Variants in LGI3 observed in about 807,000 individuals in gnomAD.
LGI3 encodes the protein leucine-rich repeat LGI family member 3.
A neutral mutation model predicts 55.4 loss-of-function variants in LGI3; 47 were observed. That is an observed-to-expected ratio of 0.85 (90% CI 0.67 to 1.08). The LOEUF (loss-of-function observed/expected upper bound fraction) is 1.08. LGI3 is among the 50% of genes least tolerant of loss of function. The probability of loss-of-function intolerance (pLI) is 0.00; values close to 1 mark genes in which losing one functional copy is unlikely to be tolerated. For missense variants in LGI3, 664 were observed against 726.3 expected (o/e 0.91, Z 0.99); for synonymous variants, 326 against 315.0 (o/e 1.04, Z -0.37).
intron 7 of LGI3, among the ~76,000 whole-genome samples, chr8:22,150,082 G>A (rs1235515286): frequency 1.3e-5 from 2 of 152,104 alleles, no homozygotes; most frequent in South Asian, 4.1e-4. Flanking sequence ...TAACACCTTT[G>A]TCTCCTCCAC....
At chr8:22,153,719 A>C (rs1028625356) in intron 5 of LGI3, among the ~76,000 whole-genome samples, 8 of 140,434 alleles carry the variant, frequency 5.7e-5, no homozygotes, top group Non-Finnish European at 1.1e-4. Context: ...ATTAAAAAAA[A>C]AAAAAAACAC....
chr8:22,155,516 C>A (rs753460412), intron 1 of LGI3, 53 bp from the exon 2 acceptor site: 1 of 1,486,828 alleles, frequency 6.7e-7, no homozygotes, highest in East Asian at 2.3e-5. Flanking sequence ...TGTGCTGAGG[C>A]AGGGAGAGGT....
Position 22,148,861 on chromosome 8 carries a change from T to A in LGI3, c.946A>T (p.Thr316Ser). The part of the protein sequence containing the change: ...YHWDPNTTRF[T>S]RLQDIDPQRV... Reference sequence around the variant, plus strand: ...TGCGGGTCAATGTCTTGCAGCCTGGTGAAGCGCGTGGTGTTGGGATCCCAG... The same window carrying A: ...TGCGGGTCAATGTCTTGCAGCCTGGAGAAGCGCGTGGTGTTGGGATCCCAG... The change falls in exon 8 of 8, where the codon ACC becomes TCC. Residue 316 changes from threonine (T) to serine (S), a missense_variant. By Grantham distance (58) the Thr-to-Ser change is moderately conservative. Transcript: ENST00000306317. The surrounding 1 kb of genome is among the most constrained non-coding windows in gnomAD (Gnocchi z 7.0). The A allele has an allele frequency of 6.2e-7, 1 of 1,614,164 alleles. No individual in the cohort carries two copies. Among genetic ancestry groups the A allele is most frequent in the Non-Finnish European group, 8.5e-7 (1 of 1,180,024 alleles).
chr8:22,149,604 T>G (rs1426776947), intron 7 of LGI3, among the ~76,000 whole-genome samples: 1 of 152,200 alleles, frequency 6.6e-6, no homozygotes. Context: ...CAAGAATGCA[T>G]GCCCATGTGC....
intron 2 of LGI3, 176 bp downstream of exon 2, chr8:22,155,216 C>A (rs1396417898): frequency 3.1e-6 from 2 of 655,184 alleles, no homozygotes; most frequent in Non-Finnish European, 5.4e-6. Context: ...CCCCGACTCC[C>A]CTGACTCAAG....
chr8:22,150,432 C>T (rs770969010), intron 7 of LGI3, among the ~76,000 whole-genome samples: 10 of 142,256 alleles, frequency 7.0e-5, no homozygotes, highest in Non-Finnish European at 1.5e-4. Flanking sequence ...GATCTTGGCT[C>T]GCTGCAAGCT....
rs777640718 is a variant in LGI3 at position 22,148,559 on chromosome 8, C to T, written c.1248G>A (p.Glu416=). ...CTTGGGCATCAGGCACCTGGGTCACCTCACCCTGGGCCACAAACTGCTTCT... is the reference window on the plus strand; with the variant it reads ...CTTGGGCATCAGGCACCTGGGTCACTTCACCCTGGGCCACAAACTGCTTCT... ...RTQKQFVAQG[E]VTQVPDAQAV... is the part of the protein sequence containing the mutation. The change falls in exon 8 of 8, where the codon GAG becomes GAA. Residue 416 remains glutamate (E), a synonymous_variant. Coordinates refer to ENST00000306317, the MANE Select transcript of LGI3 (RefSeq NM_139278.4). This position sits in a 1 kb window ranked among gnomAD's most constrained non-coding sequence, Gnocchi z 7.0. The T allele has an allele frequency of 5.6e-6, 9 of 1,613,950 alleles. No individual in the cohort carries two copies. Among genetic ancestry groups the T allele is most frequent in the Admixed American group, 5.0e-5 (3 of 60,030 alleles).
intron 3 of LGI3, 98 bp from the exon 4 acceptor site, chr8:22,154,311 C>T (rs1279663574): frequency 1.0e-5 from 11 of 1,050,036 alleles, no homozygotes; most frequent in African/African-American, 3.1e-5. Context: ...CCCGTGTCCC[C>T]GAGACAGGTT....
At chr8:22,151,451 C>T in intron 7 of LGI3, 38 bp downstream of exon 7, 1 of 1,606,416 alleles carries the variant, frequency 6.2e-7, no homozygotes, top group Non-Finnish European at 8.5e-7. Context: ...CCCCCTCCCC[C>T]TAGCAAGGGC....
Position 22,156,526 on chromosome 8 carries a change from G to A in LGI3, c.17C>T (p.Ala6Val). ...CAGCCCCGGCCCCGGGCCCCCCCTG[G>A]CCCGCAGCCCCGCCATGCTGCCCGC... MAGLR[A>V]RGGPGPGLLA... Residue 6 changes from alanine to valine, a missense_variant, in exon 1 of 8, where the codon GCC (alanine) becomes GTC (valine). Coordinates refer to ENST00000306317, the MANE Select transcript of LGI3 (RefSeq NM_139278.4). The A allele has an allele frequency of 7.5e-7, 1 of 1,339,892 alleles. No homozygotes were observed. The highest frequency in any genetic ancestry group is 9.6e-7 in the Non-Finnish European group (1 of 1,039,922). The allele number at this position is 1,339,892 out of a possible 1,614,324, so 83.0% of individuals were successfully genotyped here. A position where few individuals can be genotyped will look rare whatever the true frequency, so the allele number is the denominator to read the frequency against.
chr8:22,154,973 G>C (rs1381693378), intron 2 of LGI3: 1 of 414,684 alleles, frequency 2.4e-6, no homozygotes, highest in African/African-American at 2.0e-5. Context: ...CCTCATGGAC[G>C]GCATCTTGTA....
At chr8:22,151,445 C>G (rs775618894) in intron 7 of LGI3, 44 bp downstream of exon 7, 7 of 1,597,392 alleles carry the variant, frequency 4.4e-6, no homozygotes, top group Non-Finnish European at 6.0e-6. Context: ...CCACTCCCCC[C>G]TCCCCCTAGC....
At chr8:22,153,844 C>T (rs1827448541) in intron 5 of LGI3, 124 bp downstream of exon 5, 7 of 959,490 alleles carry the variant, frequency 7.3e-6, no homozygotes, top group Non-Finnish European at 1.2e-5. Context: ...CCTCAGGGTC[C>T]CCCCACCCAA....
At chr8:22,152,753 A>AT (rs1434055997) in intron 5 of LGI3, among the ~76,000 whole-genome samples, 2 of 151,608 alleles carry the variant, frequency 1.3e-5, no homozygotes, top group Non-Finnish European at 2.9e-5. Flanking sequence ...AAAAAAAAAA[A>AT]AAAAAAGCAC....
Position 22,148,651 on chromosome 8 carries a change from C to A in LGI3, c.1156G>T (p.Gly386Cys). Reference sequence around the variant, plus strand: ...CTGGACACAATCAGCCGTGGCTTGCCCTCGCCGTCCACAAACTCCAGGTCG... The same window carrying A: ...CTGGACACAATCAGCCGTGGCTTGCACTCGCCGTCCACAAACTCCAGGTCG... ...DTDLEFVDGEGKPRLIVSSSS... is the reference protein window; with the variant it reads ...DTDLEFVDGECKPRLIVSSSS... The change falls in exon 8 of 8, where the codon GGC becomes TGC. Residue 386 changes from glycine (G) to cysteine (C), a missense_variant. By Grantham distance (159) the Gly-to-Cys change is radical (BLOSUM62 -3). Transcript: ENST00000306317. This position sits in a 1 kb window ranked among gnomAD's most constrained non-coding sequence, Gnocchi z 7.0. 6.2e-7 allele frequency: 1 copy of A among 1,614,008 alleles called. No individual in the cohort carries two copies. Among genetic ancestry groups the A allele is most frequent in the Non-Finnish European group, 8.5e-7 (1 of 1,180,018 alleles).
rs915608752 is a variant in LGI3, at chr8:22,156,722, C to T, written c.-180G>A. 2 of 218,950 alleles carry T rather than the reference C, an allele frequency of 9.1e-6. No individual in the cohort carries two copies. The highest frequency in any genetic ancestry group is 4.6e-5 in the African/African-American group (2 of 43,028). The allele number at this position is 218,950 out of a possible 1,614,324, so 13.6% of individuals were successfully genotyped here. On this transcript the variant is annotated 5_prime_UTR_variant, in exon 1 of 8. Transcript: ENST00000306317. Reference sequence around the variant, plus strand: ...CGGCTGCGGTCCCCTCCCCTGCTCGCTCCCGCGATCCGGCTCGGGAGAGAA... The same window carrying T: ...CGGCTGCGGTCCCCTCCCCTGCTCGTTCCCGCGATCCGGCTCGGGAGAGAA...
intron 2 of LGI3, chr8:22,154,994 C>T (rs1827468607): frequency 2.5e-6 from 1 of 403,646 alleles, no homozygotes; most frequent in Admixed American, 4.1e-5. Context: ...GGGTTGGAGA[C>T]ACTCCTGCCA....
In LGI3 at chr8:22,151,612, C is replaced by A. The variant is rs1482679122; in HGVS notation, c.706G>T (p.Ala236Ser). Residue 236 changes from alanine to serine, a missense_variant, in exon 7 of 8, where the codon GCT (alanine) becomes TCT (serine). Transcript: ENST00000306317. ...TCACTGGAGTAGAGGAAGGGCTCAG[C>A]CGACACTGCTGGGAAGGCCAGGGTC... ...YQTLAFPAVS[A>S]EPFLYSSDLY... 6 of 1,614,002 alleles carry A rather than the reference C, an allele frequency of 3.7e-6. No individual in the cohort carries two copies. The highest frequency in any genetic ancestry group is 2.7e-5 in the African/African-American group (2 of 74,932).
chr8:22,154,951 T>A, intron 2 of LGI3: 1 of 440,164 alleles, frequency 2.3e-6, no homozygotes, highest in South Asian at 2.6e-5. Context: ...CAGCCCCTCA[T>A]GGACAACTGT....
Sources: allele counts gnomAD v4.1 joint callset (sites outside exome capture counted in the v4.1 genomes callset), GRCh38; gene constraint gnomAD v4.1.1; non-coding constraint Gnocchi (gnomAD v3.1); transcripts MANE v1.5; gene names NCBI Gene and HGNC (gene_info 2026-07-23, HGNC 2026-07-21).